The following PCDH15 variants were observed in gnomAD, a reference collection of about 807,000 sequenced individuals.
PCDH15 encodes the protein protocadherin related 15.
PCDH15 carries 129 observed loss-of-function variants against 178.5 expected under a neutral mutation model. The ratio of observed to expected loss-of-function variants is 0.72; its 90% CI spans 0.63 to 0.84. The LOEUF is 0.84. Among genes scored for constraint, PCDH15 ranks in the 40% least tolerant of loss-of-function variants. The pLI is 0.00. For synonymous variants in PCDH15, 800 were observed against 732.0 expected (o/e 1.09, Z -1.50); for missense variants, 2,230 against 2,099.9 (o/e 1.06, Z -1.21).
At chr10:55,151,595 C>A (rs766382242) in intron 2 of PCDH15, among the ~76,000 whole-genome samples, 25 of 151,988 alleles carry the variant, frequency 1.6e-4, no homozygotes, top group Non-Finnish European at 2.9e-4. Context: ...ACTTCACTGT[C>A]TTAAATTTAT....
intron 2 of PCDH15, among the ~76,000 whole-genome samples, chr10:55,030,758 A>C (rs1467505161): frequency 6.6e-6 from 1 of 152,190 alleles, no homozygotes; most frequent in Non-Finnish European, 1.5e-5. Context: ...CACGAATAGA[A>C]AAATTGCATT....
At chr10:53,898,262 C>G (rs568810927) in intron 26 of PCDH15, among the ~76,000 whole-genome samples, 23 of 152,212 alleles carry the variant, frequency 1.5e-4, no homozygotes, top group African/African-American at 5.3e-4. Flanking sequence ...CCACCGCACC[C>G]GGCCCCATAT....
chr10:54,736,459 G>T (rs897048362), intron 1 of PCDH15, among the ~76,000 whole-genome samples: 1 of 151,820 alleles, frequency 6.6e-6, no homozygotes. Flanking sequence ...CTGCTTTCTT[G>T]GTCATGCTAT....
At position 55,012,378 on chromosome 10, in the gene PCDH15, T is replaced by G. The variant is rs903135062; in HGVS notation, c.-79-114878A>C. ...TTTAAAAATTAGATATTTTGAAAAA[T>G]GATAAAGATCTGTTTTGCCAGGTTT... On this transcript the variant is annotated intron_variant, in intron 2 of 5. Transcript: ENST00000458638. 3.3e-5 allele frequency among the ~76,000 whole-genome samples: 5 copies of G among 152,112 alleles called. No individual in the cohort carries two copies. The East Asian group carries it at 9.6e-4, about 29-fold the overall frequency.
chr10:54,824,456 A>G (rs953627547), intron 3 of PCDH15, among the ~76,000 whole-genome samples: 4 of 152,136 alleles, frequency 2.6e-5, no homozygotes, highest in African/African-American at 9.7e-5. Context: ...ACCTTGAAGA[A>G]AGAGCACAGA....
intron 1 of PCDH15, among the ~76,000 whole-genome samples, chr10:55,169,081 C>T (rs561925573): frequency 2.2e-4 from 33 of 152,092 alleles, no homozygotes; most frequent in African/African-American, 6.5e-4. Context: ...TCAACAGTAC[C>T]GTTCTGGAGT....
At chr10:54,367,303 C>A (rs1946951878) in intron 5 of PCDH15, among the ~76,000 whole-genome samples, 1 of 151,882 alleles carries the variant, frequency 6.6e-6, no homozygotes, top group South Asian at 2.1e-4. Flanking sequence ...TGACACCCGA[C>A]AATAATGAGA....
At chr10:55,240,609 T>C (rs1477004019) in intron 1 of PCDH15, among the ~76,000 whole-genome samples, 1 of 152,226 alleles carries the variant, frequency 6.6e-6, no homozygotes, top group Non-Finnish European at 1.5e-5. Flanking sequence ...TTGAAAGATG[T>C]ATGAGTGCAT....
chr10:55,347,130 G>C (rs941339745), intron 2 of PCDH15, among the ~76,000 whole-genome samples: 2 of 152,020 alleles, frequency 1.3e-5, no homozygotes, highest in Non-Finnish European at 2.9e-5. Flanking sequence ...TGGGAGGATT[G>C]CTTGAACCTA....
chr10:54,298,973 TCTGGGGGAACCC>T (rs1355719599), intron 8 of PCDH15, among the ~76,000 whole-genome samples: 1 of 152,234 alleles, frequency 6.6e-6, no homozygotes, highest in African/African-American at 2.4e-5. Context: ...GTTCCTAACC[TCTGGGGGAACCC>T]CCATTAAATA....
chr10:55,371,726 C>T (rs1388223588), intron 2 of PCDH15, among the ~76,000 whole-genome samples: 2 of 152,052 alleles, frequency 1.3e-5, no homozygotes, highest in East Asian at 3.9e-4. Context: ...GCCTGCAGAG[C>T]TGTGAGTCAA....
chr10:54,313,414 A>G (rs1292608191), intron 8 of PCDH15, among the ~76,000 whole-genome samples: 3 of 152,074 alleles, frequency 2.0e-5, no homozygotes, highest in Middle Eastern at 3.2e-3. Context: ...ATAGTACAAC[A>G]AGGGAGATAG....
At chr10:55,600,444 TAA>T (rs774086307) in intron 2 of PCDH15, among the ~76,000 whole-genome samples, 10 of 152,018 alleles carry the variant, frequency 6.6e-5, no homozygotes, top group Non-Finnish European at 1.2e-4. Context: ...CGCACTAGTG[TAA>T]GTCAGTTATT....
chr10:55,421,543 CAT>C (rs1236327293), intron 2 of PCDH15, among the ~76,000 whole-genome samples: 1 of 148,854 alleles, frequency 6.7e-6, no homozygotes, highest in Non-Finnish European at 1.5e-5. Context: ...CTACTAATAA[CAT>C]ATCTGGAATT....
rs138120572 is a variant in PCDH15 at position 54,091,244 on chromosome 10, G to T, written c.1918-1181C>A. On this transcript the variant is annotated intron_variant, in intron 15 of 37. Coordinates refer to ENST00000644397, the MANE Select transcript of PCDH15 (RefSeq NM_001384140.1). ...TCTGCCTAAGCATGATGCTACAGGG[G>T]GGGATATATCTGATAAAGGTTCAGA... 7.3e-3 allele frequency among the ~76,000 whole-genome samples: 1,114 copies of T among 152,328 alleles called. 10 individuals are homozygous for T. Among genetic ancestry groups the T allele is most frequent in the African/African-American group, 0.026 (1,060 of 41,564 alleles).
chr10:55,215,591 T>C (rs1320847555), intron 1 of PCDH15, among the ~76,000 whole-genome samples: 10 of 152,014 alleles, frequency 6.6e-5, no homozygotes. Flanking sequence ...GAGGGGAAAA[T>C]GAAATATTGC....
intron 1 of PCDH15, among the ~76,000 whole-genome samples, chr10:55,255,580 G>T (rs1296147741): frequency 6.6e-6 from 1 of 151,814 alleles, no homozygotes; most frequent in South Asian, 2.1e-4. Flanking sequence ...CAGTGTAAAA[G>T]TGTTCCTATT....
intron 27 of PCDH15, among the ~76,000 whole-genome samples, chr10:53,859,565 C>T (rs1564626614): frequency 6.6e-6 from 1 of 151,972 alleles, no homozygotes; most frequent in African/African-American, 2.4e-5. Flanking sequence ...TTGAATTTTC[C>T]ACTGTCTCTT....
At chr10:54,858,311 T>C (rs964589267) in intron 3 of PCDH15, among the ~76,000 whole-genome samples, 2 of 152,198 alleles carry the variant, frequency 1.3e-5, no homozygotes, top group African/African-American at 4.8e-5. Flanking sequence ...GATTCATTCA[T>C]TGATAGACAC....
Sources: gnomAD v4.1 joint callset for allele counts (sites outside exome capture counted in the v4.1 genomes callset) on GRCh38, gnomAD v4.1.1 for gene constraint, MANE v1.5 for transcripts, NCBI Gene and HGNC (gene_info 2026-07-23, HGNC 2026-07-21) for gene names.